The following CSTPP1 variants were observed in gnomAD, a reference collection of about 807,000 sequenced individuals.
CSTPP1 encodes centriolar satellite-associated tubulin polyglutamylase complex regulator 1.
At chr11:47,056,472 T>C in the CSTPP1 span, among the ~76,000 whole-genome samples, 6 of 152,342 alleles carry the variant, frequency 3.9e-5, no homozygotes, top group African/African-American at 1.4e-4. Flanking sequence ...TTTCTTTATC[T>C]TTCTAATAGC....
chr11:47,155,332 C>A, the CSTPP1 span: 2 of 1,326,228 alleles, frequency 1.5e-6, no homozygotes, highest in Non-Finnish European at 2.2e-6. Flanking sequence ...CTGCCCTGCC[C>A]ATCTGTGTGC....
the CSTPP1 span, among the ~76,000 whole-genome samples, chr11:47,077,463 G>A: frequency 6.6e-6 from 1 of 152,106 alleles, no homozygotes; most frequent in Non-Finnish European, 1.5e-5. Flanking sequence ...GCCTCCCAAA[G>A]TGCTAGGATT....
chr11:47,007,637 C>T, the CSTPP1 span, among the ~76,000 whole-genome samples: 2 of 151,740 alleles, frequency 1.3e-5, no homozygotes, highest in East Asian at 1.9e-4. Flanking sequence ...TTTTTTACTC[C>T]ATTATCTTAT....
chr11:47,036,985 C>G, the CSTPP1 span, among the ~76,000 whole-genome samples: 2 of 127,004 alleles, frequency 1.6e-5, 1 homozygote, highest in South Asian at 5.0e-4. Context: ...CCAGCCTATT[C>G]TTTACTAAAA....
At chr11:47,015,895 ATCATT>A in the CSTPP1 span, among the ~76,000 whole-genome samples, 2 of 152,304 alleles carry the variant, frequency 1.3e-5, no homozygotes, top group East Asian at 3.9e-4. Context: ...AAAAAAAAAG[ATCATT>A]TCAATAAATA....
chr11:46,942,235 A>C, the CSTPP1 span, among the ~76,000 whole-genome samples: 1 of 152,210 alleles, frequency 6.6e-6, no homozygotes, highest in Non-Finnish European at 1.5e-5. Flanking sequence ...AAGGAGATGA[A>C]ATAAGTATAG....
the CSTPP1 span, among the ~76,000 whole-genome samples, chr11:46,955,741 T>C: frequency 2.6e-5 from 4 of 151,702 alleles, no homozygotes; most frequent in African/African-American, 9.7e-5. Flanking sequence ...CCTGCAATCC[T>C]AGTACCCTGG....
chr11:47,114,329 G>A, the CSTPP1 span, among the ~76,000 whole-genome samples: 2 of 152,144 alleles, frequency 1.3e-5, no homozygotes, highest in Non-Finnish European at 1.5e-5. Context: ...TTGGCAATGC[G>A]GGCTCTTTTT....
chr11:47,079,161 CAACGAAA>C, the CSTPP1 span, among the ~76,000 whole-genome samples: 1 of 151,972 alleles, frequency 6.6e-6, no homozygotes, highest in Non-Finnish European at 1.5e-5. Context: ...GGATCATGAG[CAACGAAA>C]AAGAAATATA....
the CSTPP1 span, among the ~76,000 whole-genome samples, chr11:47,045,983 C>T: frequency 6.6e-6 from 1 of 151,974 alleles, no homozygotes; most frequent in Non-Finnish European, 1.5e-5. Context: ...GACGGGGTTT[C>T]ACCATGTTGG....
the CSTPP1 span, among the ~76,000 whole-genome samples, chr11:46,955,953 C>T: frequency 5.3e-5 from 8 of 150,874 alleles, no homozygotes; most frequent in Non-Finnish European, 1.2e-4. Context: ...TGCCACTGCA[C>T]TCCAGCCTGG....
the CSTPP1 span, among the ~76,000 whole-genome samples, chr11:47,114,857 C>G: frequency 6.6e-6 from 1 of 152,180 alleles, no homozygotes; most frequent in Non-Finnish European, 1.5e-5. Flanking sequence ...GCCAGAACTT[C>G]CAACAGTATG....
the CSTPP1 span, chr11:47,040,920 A>G: frequency 7.0e-4 from 94 of 134,982 alleles, 12 homozygotes; most frequent in East Asian, 0.012. Flanking sequence ...CCCTTGTACT[A>G]TGGCAGCGGT....
the CSTPP1 span, among the ~76,000 whole-genome samples, chr11:47,142,572 C>T: frequency 2.6e-5 from 4 of 152,212 alleles, no homozygotes; most frequent in Non-Finnish European, 2.9e-5. Context: ...CACTCTGTGA[C>T]GTATGACCTT....
At chr11:47,027,916 C>CTTTTTTTT in the CSTPP1 span, among the ~76,000 whole-genome samples, 1 of 136,080 alleles carries the variant, frequency 7.3e-6, no homozygotes. Context: ...TCTCTATTTT[C>CTTTTTTTT]TTTTTTTTTT....
the CSTPP1 span, among the ~76,000 whole-genome samples, chr11:47,134,950 A>T: frequency 2.0e-5 from 3 of 152,014 alleles, no homozygotes; most frequent in Non-Finnish European, 4.4e-5. Context: ...CTCTACAAAA[A>T]TTTTTTAAAT....
At chr11:47,030,636 C>T in the CSTPP1 span, among the ~76,000 whole-genome samples, 1 of 151,966 alleles carries the variant, frequency 6.6e-6, no homozygotes, top group East Asian at 1.9e-4. Context: ...AAGCCTAGTA[C>T]CCATTAGTTG....
chr11:47,135,720 C>A, the CSTPP1 span, among the ~76,000 whole-genome samples: 1 of 152,234 alleles, frequency 6.6e-6, no homozygotes, highest in Admixed American at 6.5e-5. Flanking sequence ...CTTTATCTGA[C>A]TACTGTCCTC....
the CSTPP1 span, among the ~76,000 whole-genome samples, chr11:47,092,448 A>G: frequency 3.9e-5 from 6 of 152,194 alleles, no homozygotes; most frequent in East Asian, 5.8e-4. Context: ...AGATTTGTTG[A>G]AACCTATAAG....
Sources: allele counts gnomAD v4.1 joint callset (sites outside exome capture counted in the v4.1 genomes callset), GRCh38; gene constraint gnomAD v4.1.1; transcripts MANE v1.5; gene names NCBI Gene and HGNC (gene_info 2026-07-23, HGNC 2026-07-21).